The following BAZ1B variants were observed in gnomAD, a reference collection of about 807,000 sequenced individuals.
The protein encoded by BAZ1B is tyrosine-protein kinase BAZ1B.
BAZ1B carries 22 observed loss-of-function variants against 153.8 expected under a neutral mutation model. The ratio of observed to expected loss-of-function variants is 0.14; its 90% confidence interval spans 0.10 to 0.20. BAZ1B has a LOEUF of 0.20. Among genes scored for constraint, BAZ1B ranks in the 10% least tolerant of loss-of-function variants. The probability of loss-of-function intolerance (pLI) is 1.00; values close to 1 mark genes in which losing one functional copy is unlikely to be tolerated. For synonymous variants in BAZ1B, 676 were observed against 633.4 expected, an observed-to-expected ratio of 1.07 and a Z score of -1.01; for missense variants, 1,325 against 1,799.3, an observed-to-expected ratio of 0.74 and a Z score of 4.77.
At chr7:73,473,329 G>A (rs1388320023) in intron 7 of BAZ1B, among the ~76,000 whole-genome samples, 2 of 152,224 alleles carry the variant, frequency 1.3e-5, no homozygotes, top group Non-Finnish European at 2.9e-5. Context: ...GAGGCAGGCA[G>A]TTCATTTGAG....
intron 4 of BAZ1B, 56 bp from the exon 5 acceptor site, chr7:73,492,977 C>A: frequency 6.6e-7 from 1 of 1,517,154 alleles, no homozygotes; most frequent in Non-Finnish European, 8.9e-7. Context: ...CCTTTTCATT[C>A]ATTCATTAAC....
intron 5 of BAZ1B, among the ~76,000 whole-genome samples, chr7:73,490,746 C>T (rs1789605438): frequency 6.6e-6 from 1 of 151,830 alleles, no homozygotes; most frequent in South Asian, 2.1e-4. Context: ...GCTGGGATTA[C>T]AGGCATGTGC....
At position 73,477,164 on chromosome 7, in the gene BAZ1B, A is replaced by G; in HGVS notation, c.2297T>C (p.Met766Thr). The change falls in exon 7 of 20, where the codon ATG becomes ACG. Residue 766 changes from methionine to threonine, a missense_variant. By Grantham distance (81) the Met-to-Thr change is moderately conservative (BLOSUM62 -1). Coordinates refer to ENST00000339594, the MANE Select transcript of BAZ1B (RefSeq NM_032408.4). This position sits in a 1 kb window ranked among gnomAD's most constrained non-coding sequence, Gnocchi z 5.6. ...TGCAGACATCTGCTGTCTGGTCTCCATGTGGTCTTGCACTGAGTATGTCAT... is the reference window on the plus strand; with the variant it reads ...TGCAGACATCTGCTGTCTGGTCTCCGTGTGGTCTTGCACTGAGTATGTCAT... ...ILMTYSVQDH[M>T]ETRQQMSAEL... 1 of 1,614,108 alleles carries G rather than the reference A, an allele frequency of 6.2e-7. No homozygotes were observed. Among genetic ancestry groups the G allele is most frequent in the Non-Finnish European group, 8.5e-7 (1 of 1,180,018 alleles).
intron 17 of BAZ1B, among the ~76,000 whole-genome samples, chr7:73,443,728 T>A (rs1206804554): frequency 1.3e-5 from 2 of 152,148 alleles, no homozygotes; most frequent in African/African-American, 2.4e-5. Context: ...TATTTTTAAA[T>A]CCTTAATAAG....
chr7:73,497,065 C>CAAAAAA (rs1156829240), intron 4 of BAZ1B, among the ~76,000 whole-genome samples: 38 of 49,510 alleles, frequency 7.7e-4, no homozygotes, highest in African/African-American at 3.2e-3. Context: ...CTGACCTCTA[C>CAAAAAA]AAAAAAAAAA....
chr7:73,460,233 C>A (rs1788349810), intron 12 of BAZ1B, among the ~76,000 whole-genome samples: 1 of 150,688 alleles, frequency 6.6e-6, no homozygotes, highest in East Asian at 1.9e-4. Flanking sequence ...TTGACTACTT[C>A]CCTTTTCCCA....
intron 7 of BAZ1B, among the ~76,000 whole-genome samples, chr7:73,473,420 G>T (rs556392410): frequency 6.6e-6 from 1 of 152,254 alleles, no homozygotes; most frequent in South Asian, 2.1e-4. Context: ...GAGTGTGGTA[G>T]CAGATGCCTT....
intron 7 of BAZ1B, among the ~76,000 whole-genome samples, chr7:73,472,682 T>C (rs1459203297): frequency 1.3e-5 from 2 of 152,206 alleles, no homozygotes; most frequent in African/African-American, 2.4e-5. Flanking sequence ...GTTCAAGCGA[T>C]TCTCCTGCCG....
chr7:73,484,793 A>C (rs1665281758), intron 6 of BAZ1B, among the ~76,000 whole-genome samples: 1 of 152,222 alleles, frequency 6.6e-6, no homozygotes, highest in Non-Finnish European at 1.5e-5. Flanking sequence ...AACCAAAATC[A>C]AAGAGCATTC....
At chr7:73,472,259 T>G (rs1554572100) in intron 7 of BAZ1B, among the ~76,000 whole-genome samples, 2 of 152,110 alleles carry the variant, frequency 1.3e-5, no homozygotes. Flanking sequence ...TATACTTTTT[T>G]TTTTTTTCTT....
intron 4 of BAZ1B, among the ~76,000 whole-genome samples, chr7:73,497,571 TTTG>T (rs1237087936): frequency 6.6e-6 from 1 of 151,446 alleles, no homozygotes; most frequent in Non-Finnish European, 1.5e-5. Flanking sequence ...TACCTAACTC[TTTG>T]TTCTTTTTTT....
At chr7:73,463,502 C>G (rs782106272) in intron 11 of BAZ1B, among the ~76,000 whole-genome samples, 1 of 151,774 alleles carries the variant, frequency 6.6e-6, no homozygotes, top group African/African-American at 2.4e-5. Context: ...CCCTAGGCCT[C>G]CCAAACTGCT....
chr7:73,449,484 A>T (rs1787954689), intron 15 of BAZ1B, 58 bp downstream of exon 15: 1 of 1,535,388 alleles, frequency 6.5e-7, no homozygotes, highest in Non-Finnish European at 8.8e-7. Flanking sequence ...CTCAAGCTTA[A>T]TTATAACAGC....
At chr7:73,473,274 C>T (rs183008694) in intron 7 of BAZ1B, among the ~76,000 whole-genome samples, 41 of 152,346 alleles carry the variant, frequency 2.7e-4, no homozygotes, top group Non-Finnish European at 5.0e-4. Flanking sequence ...ATACAATGGC[C>T]AGGGGCGGTG....
intron 7 of BAZ1B, 61 bp from the exon 8 acceptor site, chr7:73,470,544 T>A (rs1457035087): frequency 6.4e-7 from 1 of 1,574,608 alleles, no homozygotes; most frequent in African/African-American, 1.4e-5. Context: ...TCTTACAAAT[T>A]AAATAAAATA....
chr7:73,479,705 T>C (rs1789127583), intron 6 of BAZ1B, among the ~76,000 whole-genome samples: 1 of 152,050 alleles, frequency 6.6e-6, no homozygotes, highest in Non-Finnish European at 1.5e-5. Context: ...TTTACCCAGA[T>C]TAAATTTTAG....
At chr7:73,460,949 A>C (rs549181139) in intron 12 of BAZ1B, among the ~76,000 whole-genome samples, 1 of 150,128 alleles carries the variant, frequency 6.7e-6, no homozygotes, top group East Asian at 1.9e-4. Context: ...AACAAGACCT[A>C]TCTCTCTCTT....
intron 4 of BAZ1B, among the ~76,000 whole-genome samples, 185 bp downstream of exon 4, chr7:73,498,312 T>C (rs1479965888): frequency 6.6e-6 from 1 of 152,174 alleles, no homozygotes; most frequent in Non-Finnish European, 1.5e-5. Flanking sequence ...ATGGTCTTAA[T>C]TATTTAGGGA....
chr7:73,472,634 C>T (rs1005537453), intron 7 of BAZ1B, among the ~76,000 whole-genome samples: 11 of 152,026 alleles, frequency 7.2e-5, no homozygotes, highest in African/African-American at 2.2e-4. Flanking sequence ...TGGAGTGCAA[C>T]GGCATGATCT....
Sources: gnomAD v4.1 joint callset for allele counts (sites outside exome capture counted in the v4.1 genomes callset) on GRCh38, gnomAD v4.1.1 for gene constraint, Gnocchi (gnomAD v3.1) non-coding constraint, MANE v1.5 for transcripts, NCBI Gene and HGNC (gene_info 2026-07-23, HGNC 2026-07-21) for gene names.